RBM4: variants seen among roughly 807,000 people sequenced by gnomAD.
The protein encoded by RBM4 is RNA-binding protein 4.
Under a neutral mutation model 29.5 loss-of-function variants are expected in RBM4, and 7 were observed. The observed-to-expected ratio is 0.24, with a 90% confidence interval of 0.14 to 0.45. The LOEUF (loss-of-function observed/expected upper bound fraction) is 0.45, where lower values mean the gene tolerates loss of function less well. RBM4 is among the 20% of genes least tolerant of loss of function. The probability of loss-of-function intolerance (pLI) is 1.00; values close to 1 mark genes in which losing one functional copy is unlikely to be tolerated. For missense variants in RBM4, 387 were observed against 502.3 expected (o/e 0.77, Z 2.19); for synonymous variants, 220 against 205.4 (o/e 1.07, Z -0.61).
intron 2 of RBM4, among the ~76,000 whole-genome samples, chr11:66,641,797 T>C (rs1938476104): frequency 6.6e-6 from 1 of 152,224 alleles, no homozygotes; most frequent in Non-Finnish European, 1.5e-5. Context: ...GCAGTAGTTA[T>C]TAGGGTGGTC....
chr11:66,646,132 T>G lies in RBM4; in HGVS notation c.*114T>G. The G allele has an allele frequency of 6.5e-7, 1 of 1,533,140 alleles. No individual in the cohort carries two copies. The highest frequency in any genetic ancestry group is 8.7e-7 in the Non-Finnish European group (1 of 1,145,640). 95.0% of individuals were successfully genotyped at this position (1,533,140 alleles called of 1,614,324 possible). A position where few individuals can be genotyped will look rare whatever the true frequency, so the allele number is the denominator to read the frequency against. On this transcript the variant is annotated 3_prime_UTR_variant, in exon 4 of 4. Coordinates refer to ENST00000310092, the MANE Select transcript of RBM4 (RefSeq NM_002896.4). ...TTCTCGGCTCTGTGCGTTCAGTCCC[T>G]CAGGAACCGTGGACCTTAATTTACC...
chr11:66,659,601 C>G (rs1939034951), intron 2 of RBM4, among the ~76,000 whole-genome samples: 1 of 152,102 alleles, frequency 6.6e-6, no homozygotes, highest in Non-Finnish European at 1.5e-5. Context: ...ACACCTCAAA[C>G]TTGGTATATC....
At chr11:66,660,348 TCTC>T (rs1043464219) in intron 2 of RBM4, among the ~76,000 whole-genome samples, 3 of 149,246 alleles carry the variant, frequency 2.0e-5, no homozygotes, top group African/African-American at 7.4e-5. Context: ...GATGGGAGTC[TCTC>T]TTTTTTTTTT....
At chr11:66,656,301 T>C (rs1938948192) in intron 2 of RBM4, among the ~76,000 whole-genome samples, 1 of 152,160 alleles carries the variant, frequency 6.6e-6, no homozygotes, top group Non-Finnish European at 1.5e-5. Flanking sequence ...CACGCCTGGC[T>C]AATTTTGTTT....
Position 66,643,617 on chromosome 11 carries a change from T to C in RBM4, c.580T>C (p.Tyr194His), listed in dbSNP as rs1938562212. ...CTTGACCGAGCAATATAATGAGCAA[T>C]ACGGAGCAGTGCGTACGCCTTACAC... The part of the protein sequence containing the change: ...ADLTEQYNEQ[Y>H]GAVRTPYTMS... The change falls in exon 3 of 4, where the codon TAC becomes CAC. Residue 194 changes from tyrosine to histidine, a missense_variant. Physicochemically the swap from Tyr to His is moderately conservative, Grantham distance 83. Coordinates refer to ENST00000310092, the MANE Select transcript of RBM4 (RefSeq NM_002896.4). The surrounding 1 kb of genome is among the most constrained non-coding windows in gnomAD (Gnocchi z 6.1). The C allele has an allele frequency of 1.9e-6, 3 of 1,614,104 alleles. No homozygotes were observed. Among genetic ancestry groups the C allele is most frequent in the Non-Finnish European group, 2.5e-6 (3 of 1,180,018 alleles).
rs756152261 is a variant in RBM4 at position 66,643,711 on chromosome 11, G to C, written c.674G>C (p.Cys225Ser). The C allele has an allele frequency of 3.1e-6, 5 of 1,614,176 alleles. No homozygotes were observed. The South Asian group carries it at 5.5e-5, about 18-fold the overall frequency. The change falls in exon 3 of 4, where the codon TGC (cysteine) becomes TCC (serine). Residue 225 changes from cysteine (C) to serine (S), a missense_variant. Physicochemically the swap from Cys to Ser is moderately radical, Grantham distance 112. Coordinates refer to ENST00000310092, the MANE Select transcript of RBM4 (RefSeq NM_002896.4). The surrounding 1 kb of genome is among the most constrained non-coding windows in gnomAD (Gnocchi z 6.1). ...YGALDAYYKRCRAARSYEAVA... is the reference protein window; with the variant it reads ...YGALDAYYKRSRAARSYEAVA... ...GCGCTCGATGCCTACTACAAGCGCT[G>C]CCGTGCTGCCCGGTCCTATGAGGCA... is the stretch of plus-strand genomic sequence containing the variant.
intron 2 of RBM4, among the ~76,000 whole-genome samples, chr11:66,652,865 C>G (rs566061364): frequency 6.6e-6 from 1 of 152,312 alleles, no homozygotes. Flanking sequence ...CCCGCACCCC[C>G]ACCAAAACAG....
chr11:66,665,031 T>A (rs1203823012), intron 2 of RBM4: 3 of 152,348 alleles, frequency 2.0e-5, no homozygotes, highest in Admixed American at 6.5e-5. Flanking sequence ...TGTCAAAAAA[T>A]TTTTTTAAAA....
At chr11:66,664,306 C>T (rs1032337583) in intron 2 of RBM4, among the ~76,000 whole-genome samples, 2 of 151,508 alleles carry the variant, frequency 1.3e-5, no homozygotes, top group African/African-American at 2.4e-5. Flanking sequence ...CTCGCCACCA[C>T]GCCTGGCTAA....
chr11:66,642,141 T>G (rs1370839527), intron 2 of RBM4, among the ~76,000 whole-genome samples: 1 of 152,252 alleles, frequency 6.6e-6, no homozygotes, highest in Non-Finnish European at 1.5e-5. Flanking sequence ...TAGACCTCCT[T>G]GATATTTTGT....
rs753470695 is a variant in RBM4 at position 66,639,938 on chromosome 11, C to T, written c.227C>T (p.Thr76Ile). 1 of 1,614,186 alleles carries T rather than the reference C, an allele frequency of 6.2e-7. No homozygotes were observed. The highest frequency in any genetic ancestry group is 8.5e-7 in the Non-Finnish European group (1 of 1,180,046). ...GAAGCCAGCAAGAATAAGAGCAAAACCTCAACAAAGTTGCATGTGGGCAAC... is the reference window on the plus strand; with the variant it reads ...GAAGCCAGCAAGAATAAGAGCAAAATCTCAACAAAGTTGCATGTGGGCAAC... ...NVEASKNKSK[T>I]STKLHVGNIS... The change falls in exon 2 of 4, where the codon ACC becomes ATC. Residue 76 changes from threonine (T) to isoleucine (I), a missense_variant. Thr to Ile is a moderately conservative substitution (Grantham distance 89, BLOSUM62 -1). Transcript: ENST00000310092.
intron 3 of RBM4, among the ~76,000 whole-genome samples, chr11:66,644,921 C>T (rs1344954804): frequency 6.6e-6 from 1 of 151,370 alleles, no homozygotes; most frequent in Non-Finnish European, 1.5e-5. Flanking sequence ...CTGTCACTTA[C>T]TTAGGGTTTT....
At chr11:66,646,673 C>T (rs1938702478), downstream of RBM4, among the ~76,000 whole-genome samples, 2 of 152,168 alleles carry the variant, frequency 1.3e-5, no homozygotes, top group South Asian at 2.1e-4. Context: ...CCAATGAAGA[C>T]TTTTCCCACT....
Position 66,643,890 on chromosome 11 carries a change from ACAGCTGCTGCTGCAGCAGCAGCCG to A in RBM4, c.855_878del (p.Ala288_Ala295del). ...GTTGCCGACCTCAGGAGCTGCTGCC[ACAGCTGCTGCTGCAGCAGCAGCCG>A]CTGCTGCTGTTACTGCAGCTTCCAC... On this transcript the variant is annotated inframe_deletion, in exon 3 of 4. Transcript: ENST00000310092. The surrounding 1 kb of genome is among the most constrained non-coding windows in gnomAD (Gnocchi z 6.1). 2 of 1,613,290 alleles carry A rather than the reference ACAGCTGCTGCTGCAGCAGCAGCCG, an allele frequency of 1.2e-6. No homozygotes were observed. Among genetic ancestry groups the A allele is most frequent in the Non-Finnish European group, 8.5e-7 (1 of 1,179,734 alleles).
rs1938619758 is a variant in RBM4, at chr11:66,644,772, C to T, written c.*8+632C>T. Reference sequence around the variant, plus strand: ...AGTTGGGGTAGAGAGAAATACAAAACTTATCTTTTATAAAGTTCCACAAGG... The same window carrying T: ...AGTTGGGGTAGAGAGAAATACAAAATTTATCTTTTATAAAGTTCCACAAGG... On this transcript the variant is annotated intron_variant, in intron 3 of 3. Coordinates refer to ENST00000310092, the MANE Select transcript of RBM4 (RefSeq NM_002896.4). 4.6e-6 allele frequency: 4 copies of T among 868,280 alleles called. No homozygotes were observed. In the South Asian group the frequency reaches 1.6e-4, roughly 34 times the overall value. 53.8% of individuals were successfully genotyped at this position (868,280 alleles called of 1,614,324 possible).
At chr11:66,644,316 T>G in intron 3 of RBM4, 176 bp downstream of exon 3, 2 of 873,476 alleles carry the variant, frequency 2.3e-6, no homozygotes, top group Non-Finnish European at 3.3e-6. Context: ...TACATAGAGT[T>G]CCTTGGCCCT....
chr11:66,648,756 TAA>T (rs796506038), downstream of RBM4, among the ~76,000 whole-genome samples: 3 of 151,762 alleles, frequency 2.0e-5, no homozygotes, highest in African/African-American at 7.3e-5. Flanking sequence ...GAGGTTGCAG[TAA>T]GCTGAGATGG....
chr11:66,666,252 GAAAA>G, exon 3 of RBM4: 1 of 1,023,574 alleles, frequency 9.8e-7, no homozygotes, highest in Non-Finnish European at 1.2e-6. Flanking sequence ...ATGGCTGGGG[GAAAA>G]AAAAAGTTAA....
At chr11:66,667,376 T>C (rs1939275265) in exon 3 of RBM4, 1 of 152,222 alleles carries the variant, frequency 6.6e-6, no homozygotes, top group South Asian at 2.1e-4. Flanking sequence ...TCTACACATC[T>C]GAAAATTACC....
Sources: allele counts gnomAD v4.1 joint callset (sites outside exome capture counted in the v4.1 genomes callset), GRCh38; gene constraint gnomAD v4.1.1; non-coding constraint Gnocchi (gnomAD v3.1); transcripts MANE v1.5; gene names NCBI Gene and HGNC (gene_info 2026-07-23, HGNC 2026-07-21).